The following EPB41L4A variants were observed in gnomAD, a reference collection of about 807,000 sequenced individuals.
EPB41L4A encodes the protein band 4.1-like protein 4A.
A neutral mutation model predicts 108.6 loss-of-function variants in EPB41L4A; 100 were observed. The ratio of observed to expected loss-of-function variants is 0.92; its 90% CI spans 0.78 to 1.09. The LOEUF is 1.09. Ranked by LOEUF, EPB41L4A falls within the 50% of genes least tolerant of loss-of-function variation. The pLI is 0.00. For missense variants in EPB41L4A, 1,030 were observed against 842.7 expected, an observed-to-expected ratio of 1.22 and a Z score of -2.75; for synonymous variants, 319 against 289.0, an observed-to-expected ratio of 1.10 and a Z score of -1.05.
intron 2 of EPB41L4A, among the ~76,000 whole-genome samples, 156 bp from the exon 3 acceptor site, chr5:112,280,479 C>T (rs1752899331): frequency 6.6e-6 from 1 of 152,072 alleles, no homozygotes; most frequent in Admixed American, 6.6e-5. Flanking sequence ...TAAGAGTTTT[C>T]TGCAGCAAGA....
intron 12 of EPB41L4A, among the ~76,000 whole-genome samples, chr5:112,217,069 C>G (rs953655177): frequency 1.3e-5 from 2 of 151,924 alleles, no homozygotes; most frequent in Non-Finnish European, 2.9e-5. Flanking sequence ...CTCAGCCTCC[C>G]GAGTAGCTGG....
chr5:112,337,689 G>C (rs190446323), intron 1 of EPB41L4A, among the ~76,000 whole-genome samples: 2 of 152,262 alleles, frequency 1.3e-5, no homozygotes, highest in Admixed American at 1.3e-4. Context: ...GCCCTCAAGA[G>C]TGTTACAATA....
At chr5:112,211,305 C>A (rs916410327) in intron 12 of EPB41L4A, among the ~76,000 whole-genome samples, 2 of 152,122 alleles carry the variant, frequency 1.3e-5, no homozygotes, top group African/African-American at 2.4e-5. Flanking sequence ...GCAAGTGGGC[C>A]AGGCGCAGTG....
intron 9 of EPB41L4A, chr5:112,249,088 AC>A (rs1197464806): frequency 6.6e-6 from 1 of 152,214 alleles, no homozygotes; most frequent in Non-Finnish European, 1.5e-5. Flanking sequence ...AGAGATGAGT[AC>A]TTCTAAGAAA....
At chr5:112,335,693 G>C (rs529953079) in intron 1 of EPB41L4A, among the ~76,000 whole-genome samples, 30 of 152,290 alleles carry the variant, frequency 2.0e-4, no homozygotes, top group Non-Finnish European at 3.7e-4. Context: ...ATCTACTTCT[G>C]CTCCTGTCTC....
intron 4 of EPB41L4A, among the ~76,000 whole-genome samples, chr5:112,269,098 T>C (rs749702403): frequency 2.0e-5 from 3 of 152,116 alleles, no homozygotes; most frequent in Non-Finnish European, 4.4e-5. Flanking sequence ...GCTTAATAAA[T>C]ACTTCTTGAT....
At chr5:112,307,052 C>G (rs962741871) in intron 2 of EPB41L4A, among the ~76,000 whole-genome samples, 5 of 152,062 alleles carry the variant, frequency 3.3e-5, no homozygotes, top group African/African-American at 1.2e-4. Context: ...AAGAGACTAG[C>G]CACTTGCCTT....
intron 1 of EPB41L4A, among the ~76,000 whole-genome samples, chr5:112,356,300 G>A (rs901117792): frequency 1.3e-5 from 2 of 152,104 alleles, no homozygotes; most frequent in Admixed American, 6.5e-5. Context: ...GAACTGTAGA[G>A]GTTAATACTA....
At chr5:112,194,147 T>C (rs953213251) in intron 17 of EPB41L4A, among the ~76,000 whole-genome samples, 7 of 152,186 alleles carry the variant, frequency 4.6e-5, no homozygotes, top group African/African-American at 1.4e-4. Context: ...CATATATATA[T>C]ATACATAAGC....
At chr5:112,359,164 G>A (rs531958036) in intron 1 of EPB41L4A, among the ~76,000 whole-genome samples, 6 of 152,210 alleles carry the variant, frequency 3.9e-5, no homozygotes, top group Admixed American at 2.0e-4. Flanking sequence ...TTTAAGATTT[G>A]TATACTTTAT....
chr5:112,289,676 T>A (rs768197588), intron 2 of EPB41L4A, among the ~76,000 whole-genome samples: 6 of 152,172 alleles, frequency 3.9e-5, no homozygotes, highest in East Asian at 3.9e-4. Flanking sequence ...CCATCCCCAG[T>A]TGAAGCCCCA....
At chr5:112,296,775 C>A (rs551088412) in intron 2 of EPB41L4A, among the ~76,000 whole-genome samples, 1 of 151,984 alleles carries the variant, frequency 6.6e-6, no homozygotes, top group Non-Finnish European at 1.5e-5. Context: ...CCTTCCCTCC[C>A]GAGTCTCCAA....
At chr5:112,358,582 C>T (rs949120852) in intron 1 of EPB41L4A, among the ~76,000 whole-genome samples, 10 of 152,196 alleles carry the variant, frequency 6.6e-5, no homozygotes, top group African/African-American at 2.4e-4. Flanking sequence ...TGCAGAGCAA[C>T]TAGAATTCTC....
chr5:112,282,356 AT>A (rs1223981098), intron 2 of EPB41L4A, among the ~76,000 whole-genome samples: 2 of 152,370 alleles, frequency 1.3e-5, no homozygotes, highest in East Asian at 1.9e-4. Flanking sequence ...AGGTTTTACT[AT>A]CCCCTGAATT....
intron 1 of EPB41L4A, among the ~76,000 whole-genome samples, chr5:112,414,975 T>C (rs1203717679): frequency 6.6e-6 from 1 of 152,194 alleles, no homozygotes; most frequent in Non-Finnish European, 1.5e-5. Context: ...GTTTATATGG[T>C]TCCTGACTCT....
chr5:112,240,005 GA>G (rs1184064467), intron 10 of EPB41L4A, among the ~76,000 whole-genome samples: 1 of 152,148 alleles, frequency 6.6e-6, no homozygotes, highest in African/African-American at 2.4e-5. Flanking sequence ...GTGAAACAAA[GA>G]AAAAAGTATC....
chr5:112,256,751 T>C (rs972342430), intron 9 of EPB41L4A: 2 of 152,154 alleles, frequency 1.3e-5, no homozygotes, highest in African/African-American at 4.8e-5. Context: ...TGTATAAATA[T>C]ATATACATTC....
intron 1 of EPB41L4A, among the ~76,000 whole-genome samples, chr5:112,399,543 T>C (rs1261507967): frequency 6.6e-6 from 1 of 152,158 alleles, no homozygotes; most frequent in Middle Eastern, 3.2e-3. Context: ...CCTCACTATC[T>C]TTTTTTCTCT....
chr5:112,418,139 C>T (rs955444423), intron 1 of EPB41L4A, among the ~76,000 whole-genome samples: 2 of 152,142 alleles, frequency 1.3e-5, no homozygotes, highest in Non-Finnish European at 2.9e-5. Context: ...ATAAACAAAA[C>T]AACAAAACGC....
Sources: gnomAD v4.1 joint callset for allele counts (sites outside exome capture counted in the v4.1 genomes callset) on GRCh38, gnomAD v4.1.1 for gene constraint, MANE v1.5 for transcripts, NCBI Gene and HGNC (gene_info 2026-07-23, HGNC 2026-07-21) for gene names.